Variants in RPAP1 observed in about 807,000 individuals in gnomAD.
RPAP1 encodes the protein RNA polymerase II-associated protein 1.
Under a neutral mutation model 142.4 loss-of-function variants are expected in RPAP1, and 109 were observed. The ratio of observed to expected loss-of-function variants is 0.77; its 90% CI spans 0.66 to 0.90. The LOEUF (loss-of-function observed/expected upper bound fraction) is 0.90. Among genes scored for constraint, RPAP1 ranks in the 40% least tolerant of loss-of-function variants. The pLI, the probability that RPAP1 is intolerant of heterozygous loss-of-function variation, is 0.00. For missense variants in RPAP1, 1,546 were observed against 1,751.7 expected (o/e 0.88, Z 2.10); for synonymous variants, 704 against 738.9 (o/e 0.95, Z 0.77).
chr15:41,521,228 G>A, intron 21 of RPAP1, 81 bp from the exon 22 acceptor site: 1 of 1,395,292 alleles, frequency 7.2e-7, no homozygotes, highest in Non-Finnish European at 9.7e-7. Context: ...GAACTTCCTG[G>A]AGGCTCCTAG....
At chr15:41,538,530 A>ATT (rs1555394350) in intron 1 of RPAP1, among the ~76,000 whole-genome samples, 5 of 734 alleles carry the variant, frequency 6.8e-3, no homozygotes, top group South Asian at 0.056. Context: ...AAGAAAAAAC[A>ATT]AAAAAAATCA....
At chr15:41,536,735 G>A in intron 2 of RPAP1, 86 bp from the exon 3 acceptor site, 1 of 1,521,598 alleles carries the variant, frequency 6.6e-7, no homozygotes, top group Admixed American at 1.9e-5. Flanking sequence ...CAGCTGCCAT[G>A]GGGCCCTGGC....
chr15:41,529,710 G>T, intron 8 of RPAP1, 142 bp from the exon 9 acceptor site: 2 of 837,300 alleles, frequency 2.4e-6, no homozygotes, highest in Non-Finnish European at 1.9e-6. Flanking sequence ...GGCCTTGGGG[G>T]CCAGGCAGAG....
At chr15:41,525,225 G>A (rs2051779324) in intron 14 of RPAP1, 77 bp from the exon 15 acceptor site, 3 of 1,354,404 alleles carry the variant, frequency 2.2e-6, no homozygotes, top group African/African-American at 1.5e-5. Context: ...GACAGAGAGT[G>A]GCTTAACTCA....
intron 1 of RPAP1, 128 bp from the exon 2 acceptor site, chr15:41,537,329 A>G (rs1595489133): frequency 3.5e-6 from 2 of 577,430 alleles, no homozygotes; most frequent in Non-Finnish European, 6.1e-6. Flanking sequence ...CCTTACTGCC[A>G]TTCCCTCTGT....
chr15:41,523,373 C>A lies in RPAP1; in HGVS notation c.2437-19G>T. On this transcript the variant is annotated intron_variant, in intron 17 of 24. Coordinates refer to ENST00000304330, the MANE Select transcript of RPAP1 (RefSeq NM_015540.4). ...AGCTTGGCTGGTGGACCAAGGAATT[C>A]ACTGAGCTGATGGCCCAGCCATTCA... 1 of 1,481,210 alleles carries A rather than the reference C, an allele frequency of 6.8e-7. No homozygotes were observed. The highest frequency in any genetic ancestry group is 9.3e-7 in the Non-Finnish European group (1 of 1,071,970). The allele number at this position is 1,481,210 out of a possible 1,614,324, so 91.8% of individuals were successfully genotyped here.
rs750381831 is a variant in RPAP1, at chr15:41,527,855, G to A, written c.1428+5C>T. 1 of 1,614,002 alleles carries A rather than the reference G, an allele frequency of 6.2e-7. No homozygotes were observed. Among genetic ancestry groups the A allele is most frequent in the East Asian group, 2.2e-5 (1 of 44,874 alleles). On this transcript the variant is annotated splice_donor_5th_base_variant and intron_variant, in intron 11 of 24. Transcript: ENST00000304330. Reference sequence around the variant, plus strand: ...GCCCAAGCCCCATTCCTATCCCTGTGGTACCTCATCTCCAGGAGCCACCAG... The same window carrying A: ...GCCCAAGCCCCATTCCTATCCCTGTAGTACCTCATCTCCAGGAGCCACCAG...
At position 41,527,537 on chromosome 15, in the gene RPAP1, C is replaced by T; in HGVS notation, c.1497G>A (p.Glu499=). The stretch of plus-strand genomic sequence containing the variant: ...CATCCTCGTCCTCATCCTCCTTGTC[C>T]TCCTGGCTGGGCATCAGAGGGAACG... ...ALTFPLMPSQ[E]DKEDEDEDEE... Residue 499 remains glutamate, a synonymous_variant, in exon 12 of 25, where the codon GAG becomes GAA. Coordinates refer to ENST00000304330, the MANE Select transcript of RPAP1 (RefSeq NM_015540.4). 3 of 1,614,124 alleles carry T rather than the reference C, an allele frequency of 1.9e-6. No individual in the cohort carries two copies. Among genetic ancestry groups the T allele is most frequent in the South Asian group, 1.1e-5 (1 of 91,072 alleles).
Position 41,536,556 on chromosome 15 carries a change from T to C in RPAP1, c.275A>G (p.Glu92Gly), listed in dbSNP as rs1392732340. The change falls in exon 3 of 25, where the codon GAA (glutamate) becomes GGA (glycine). Residue 92 changes from glutamate to glycine, a missense_variant. Transcript: ENST00000304330. ...GHCLPEDEDPEERLRRHDQHI... is the reference protein window; with the variant it reads ...GHCLPEDEDPGERLRRHDQHI... ...CTGATCATGCCTCCTCAGCCTCTCTTCTGGGTCCTCATCCTCAGGCAGGCA... is the reference window on the plus strand; with the variant it reads ...CTGATCATGCCTCCTCAGCCTCTCTCCTGGGTCCTCATCCTCAGGCAGGCA... 6.2e-7 allele frequency: 1 copy of C among 1,614,180 alleles called. No homozygotes were observed. The highest frequency in any genetic ancestry group is 1.7e-5 in the Admixed American group (1 of 60,012).
chr15:41,535,355 G>A (rs765622049), intron 5 of RPAP1, among the ~76,000 whole-genome samples, 157 bp downstream of exon 5: 1 of 152,190 alleles, frequency 6.6e-6, no homozygotes, highest in Admixed American at 6.5e-5. Flanking sequence ...CTGAGACCCA[G>A]ATATGGACCC....
intron 22 of RPAP1, 83 bp from the exon 23 acceptor site, chr15:41,518,265 A>C: frequency 8.2e-7 from 1 of 1,221,644 alleles, no homozygotes; most frequent in South Asian, 1.7e-5. Context: ...GATCACATGA[A>C]ACCAAATCAT....
In RPAP1 at chr15:41,536,520, G is replaced by A; in HGVS notation, c.311C>T (p.Ala104Val). Residue 104 changes from alanine to valine, a missense_variant, in exon 3 of 25, where the codon GCT becomes GTT. Coordinates refer to ENST00000304330, the MANE Select transcript of RPAP1 (RefSeq NM_015540.4). ...RLRRHDQHITAVLTKIIERDT... is the reference protein window; with the variant it reads ...RLRRHDQHITVVLTKIIERDT... ...ACGCACAATAATCTTAGTCAAGACA[G>A]CAGTGATGTGCTGATCATGCCTCCT... The A allele has an allele frequency of 6.2e-7, 1 of 1,614,180 alleles. No homozygotes were observed. The highest frequency in any genetic ancestry group is 8.5e-7 in the Non-Finnish European group (1 of 1,180,048).
At chr15:41,529,831 C>T in intron 8 of RPAP1, 33 bp downstream of exon 8, 1 of 1,512,924 alleles carries the variant, frequency 6.6e-7, no homozygotes, top group Non-Finnish European at 9.0e-7. Flanking sequence ...CCCTATCTCA[C>T]CCACCCCTTG....
At chr15:41,534,213 T>A (rs2051884784) in intron 6 of RPAP1, among the ~76,000 whole-genome samples, 1 of 150,776 alleles carries the variant, frequency 6.6e-6, no homozygotes, top group Non-Finnish European at 1.5e-5. Context: ...AGGTTGGGAG[T>A]TCGAGACCAG....
At chr15:41,524,905 C>G in intron 15 of RPAP1, 86 bp downstream of exon 15, 1 of 1,407,092 alleles carries the variant, frequency 7.1e-7, no homozygotes. Flanking sequence ...AAGCTTGGGA[C>G]CTTGAGCAAG....
chr15:41,528,341 G>A lies in RPAP1; in HGVS notation c.1159-5C>T. ...CTGTAGGGAATACCCCGCTCTCTGG[G>A]GCAGGGACAAGAAGTCAGAAGCAGC... On this transcript the variant is annotated splice_polypyrimidine_tract_variant and splice_region_variant and intron_variant, in intron 9 of 24. Coordinates refer to ENST00000304330, the MANE Select transcript of RPAP1 (RefSeq NM_015540.4). The A allele has an allele frequency of 6.3e-7, 1 of 1,577,216 alleles. No individual in the cohort carries two copies. Among genetic ancestry groups the A allele is most frequent in the Non-Finnish European group, 8.6e-7 (1 of 1,159,662 alleles).
chr15:41,529,671 T>C, intron 8 of RPAP1, 103 bp from the exon 9 acceptor site: 1 of 934,392 alleles, frequency 1.1e-6, no homozygotes, highest in South Asian at 1.5e-5. Context: ...AGGTACTGAC[T>C]CTACTTCTAC....
At chr15:41,539,710 C>T (rs539816348) in intron 1 of RPAP1, among the ~76,000 whole-genome samples, 5 of 152,178 alleles carry the variant, frequency 3.3e-5, no homozygotes, top group African/African-American at 1.2e-4. Flanking sequence ...GATTACAGGC[C>T]TGAGCTACTG....
chr15:41,530,771 C>T (rs986569726), intron 7 of RPAP1, among the ~76,000 whole-genome samples: 10 of 152,170 alleles, frequency 6.6e-5, no homozygotes, highest in African/African-American at 2.4e-4. Context: ...GAGTGGGATT[C>T]AGCCATCACG....
Sources: allele counts gnomAD v4.1 joint callset (sites outside exome capture counted in the v4.1 genomes callset), GRCh38; gene constraint gnomAD v4.1.1; transcripts MANE v1.5; gene names NCBI Gene and HGNC (gene_info 2026-07-23, HGNC 2026-07-21).